Variants in ZNF536 observed in about 807,000 individuals in gnomAD.
ZNF536 encodes the protein zinc finger protein 536.
A neutral mutation model predicts 84.5 loss-of-function variants in ZNF536; 13 were observed. The ratio of observed to expected loss-of-function variants is 0.15; its 90% confidence interval spans 0.10 to 0.24. The LOEUF (loss-of-function observed/expected upper bound fraction) is 0.24, where lower values mean the gene tolerates loss of function less well. ZNF536 is among the 10% of genes least tolerant of loss of function. The pLI, the probability that ZNF536 is intolerant of heterozygous loss-of-function variation, is 1.00. For synonymous variants in ZNF536, 811 were observed against 742.5 expected, an observed-to-expected ratio of 1.09 and a Z score of -1.50; for missense variants, 1,536 against 1,747.5, an observed-to-expected ratio of 0.88 and a Z score of 2.16.
At position 30,340,471 on chromosome 19, in the gene ZNF536, T is replaced by G. The variant is rs537847666; in HGVS notation, c.-119-11897T>G. 8.8e-4 allele frequency among the ~76,000 whole-genome samples: 134 copies of G among 152,286 alleles called. 1 individual carries two copies. The South Asian group carries it at 0.017, about 20-fold the overall frequency. On this transcript the variant is annotated intron_variant, in intron 2 of 5. Coordinates refer to the ZNF536 transcript ENST00000585628. ...GGCTTGGACTCGATGCATAATCCAT[T>G]TTAATCTCTCCCCTTCTTACTTGAC... is the stretch of plus-strand genomic sequence containing the variant.
intron 3 of ZNF536, among the ~76,000 whole-genome samples, chr19:30,353,532 C>G (rs73536917): frequency 0.012 from 1,824 of 151,954 alleles, 41 homozygotes; most frequent in African/African-American, 0.042. Flanking sequence ...AGCAGCCCCC[C>G]CCTGGCACCG....
At chr19:30,478,955 G>T (rs1314786936) in intron 2 of ZNF536, among the ~76,000 whole-genome samples, 1 of 152,104 alleles carries the variant, frequency 6.6e-6, no homozygotes. Flanking sequence ...CCTGTCTGGG[G>T]ACCACGGATT....
At chr19:30,470,988 T>C (rs1599485299) in intron 2 of ZNF536, among the ~76,000 whole-genome samples, 1 of 49,760 alleles carries the variant, frequency 2.0e-5, no homozygotes, top group Admixed American at 2.2e-4. Context: ...GCGCCCGGCC[T>C]TTTTTTTTTT....
chr19:30,534,060 G>A (rs963302933), intron 2 of ZNF536, among the ~76,000 whole-genome samples: 19 of 152,162 alleles, frequency 1.2e-4, no homozygotes, highest in African/African-American at 4.1e-4. Flanking sequence ...ATTTTATTCC[G>A]TTTTCTAATG....
intron 1 of ZNF536, among the ~76,000 whole-genome samples, chr19:30,397,276 G>A (rs1311517291): frequency 6.6e-6 from 1 of 152,232 alleles, no homozygotes; most frequent in Non-Finnish European, 1.5e-5. Context: ...TCTCTGGCAT[G>A]AGGACTCTCC....
At chr19:30,630,993 A>G (rs1297750633) in intron 1 of ZNF536, among the ~76,000 whole-genome samples, 3 of 152,138 alleles carry the variant, frequency 2.0e-5, no homozygotes, top group Non-Finnish European at 4.4e-5. Flanking sequence ...TCCTAGATCA[A>G]GCCCCTCCCT....
chr19:30,470,726 C>T (rs1309307870), intron 2 of ZNF536, among the ~76,000 whole-genome samples: 1 of 149,976 alleles, frequency 6.7e-6, no homozygotes, highest in East Asian at 2.0e-4. Context: ...CGCTCTATCG[C>T]CCAGGCTGGA....
At chr19:30,266,862 A>G (rs1030161816) in intron 1 of ZNF536, among the ~76,000 whole-genome samples, 2 of 152,186 alleles carry the variant, frequency 1.3e-5, no homozygotes, top group African/African-American at 2.4e-5. Flanking sequence ...ACACGCACTC[A>G]CACACATCTG....
intron 2 of ZNF536, among the ~76,000 whole-genome samples, chr19:30,521,077 CCAA>C (rs2044302879): frequency 1.3e-5 from 2 of 152,220 alleles, no homozygotes; most frequent in Non-Finnish European, 2.9e-5. Flanking sequence ...TCCAACTTTA[CCAA>C]CAAGGAAATG....
intron 1 of ZNF536, among the ~76,000 whole-genome samples, chr19:30,442,007 A>G (rs2052073991): frequency 6.6e-6 from 1 of 152,244 alleles, no homozygotes; most frequent in Non-Finnish European, 1.5e-5. Flanking sequence ...TCCCTGGTTA[A>G]TCACTTAGCC....
chr19:30,396,449 A>G (rs1034275683), intron 1 of ZNF536, among the ~76,000 whole-genome samples: 8 of 152,170 alleles, frequency 5.3e-5, no homozygotes, highest in Non-Finnish European at 8.8e-5. Flanking sequence ...TCTTCCATCC[A>G]TCTTTCTTTG....
At chr19:30,710,888 T>C (rs915196701) in exon 2 of ZNF536, 2 of 152,194 alleles carry the variant, frequency 1.3e-5, no homozygotes, top group Non-Finnish European at 2.9e-5. Context: ...GTTCAAGCGC[T>C]CCAGGGTCGA....
chr19:30,527,967 T>A (rs1459305678), intron 2 of ZNF536, among the ~76,000 whole-genome samples: 2 of 152,182 alleles, frequency 1.3e-5, no homozygotes, highest in Non-Finnish European at 2.9e-5. Flanking sequence ...ACAAATAGTT[T>A]TTTTTCTTCA....
chr19:30,548,961 G>A lies in ZNF536; in HGVS notation c.3342G>A (p.Gln1114=). The A allele has an allele frequency of 6.2e-7, 1 of 1,614,148 alleles. No individual in the cohort carries two copies. The highest frequency in any genetic ancestry group is 1.3e-5 in the African/African-American group (1 of 75,038). ...FCNFPSDFYK[Q]FGVYPGMVGS... is the part of the protein sequence containing the mutation. ...ACTTCCCATCAGACTTCTACAAGCA[G>A]TTTGGTGTTTACCCAGGCATGGTTG... The change falls in exon 4 of 5, where the codon CAG becomes CAA. Residue 1114 remains glutamine (Q), a synonymous_variant. Transcript: ENST00000355537.
chr19:30,655,036 C>T lies in ZNF536; in HGVS notation c.170-55721C>T, dbSNP rs556200230. 4.6e-5 allele frequency among the ~76,000 whole-genome samples: 7 copies of T among 152,306 alleles called. No individual in the cohort carries two copies. The South Asian group carries it at 1.5e-3, about 32-fold the overall frequency. On this transcript the variant is annotated intron_variant, in intron 1 of 1. Transcript: ENST00000592773. ...GTGGCCTGAGGCACCTGGCTGTGCT[C>T]CTACAACGAAGCACTCTGTTCTTAG...
Position 30,638,850 on chromosome 19 carries a change from C to T in ZNF536, c.170-71907C>T, listed in dbSNP as rs564222933. On this transcript the variant is annotated intron_variant, in intron 1 of 1. Coordinates refer to the ZNF536 transcript ENST00000592773. ...TGCTGTATTATGCAAATGGAATCTT[C>T]TTCCAGCTAACTCTTTCTTGAAGTA... Among the ~76,000 whole-genome samples the T allele has an allele frequency of 4.6e-5, 7 of 152,346 alleles. No individual in the cohort carries two copies. The East Asian group carries it at 7.7e-4, about 17-fold the overall frequency.
intron 1 of ZNF536, among the ~76,000 whole-genome samples, chr19:30,563,383 T>C (rs1342503974): frequency 6.6e-6 from 1 of 152,184 alleles, no homozygotes; most frequent in Non-Finnish European, 1.5e-5. Context: ...CTGAGCTGTT[T>C]TCACTGTTTT....
intron 1 of ZNF536, among the ~76,000 whole-genome samples, chr19:30,651,516 G>C (rs1402288319): frequency 6.6e-6 from 1 of 152,138 alleles, no homozygotes; most frequent in Non-Finnish European, 1.5e-5. Context: ...ATAAGCACGA[G>C]GAAATTGAAT....
intron 1 of ZNF536, among the ~76,000 whole-genome samples, chr19:30,649,191 G>C (rs1877813487): frequency 1.3e-5 from 2 of 152,224 alleles, no homozygotes; most frequent in African/African-American, 4.8e-5. Context: ...TGAGCAAAAA[G>C]TGAGAGTCAC....
Sources: allele counts gnomAD v4.1 joint callset (sites outside exome capture counted in the v4.1 genomes callset), GRCh38; gene constraint gnomAD v4.1.1; transcripts MANE v1.5; gene names NCBI Gene and HGNC (gene_info 2026-07-23, HGNC 2026-07-21).